The following COL22A1 variants were observed in gnomAD, a reference collection of about 807,000 sequenced individuals.
COL22A1 encodes the protein collagen type XXII alpha 1 chain.
In COL22A1, 221 loss-of-function variants were observed where a neutral mutation model predicts 248.9. The ratio of observed to expected loss-of-function variants is 0.89; its 90% confidence interval spans 0.80 to 0.99. COL22A1 has a LOEUF of 0.99. COL22A1 is among the 50% of genes least tolerant of loss of function. The pLI, the probability that COL22A1 is intolerant of heterozygous loss-of-function variation, is 0.00. For synonymous variants in COL22A1, 891 were observed against 793.4 expected (o/e 1.12, Z -2.07); for missense variants, 2,240 against 2,179.0 (o/e 1.03, Z -0.56).
At chr8:138,594,259 TGGC>T in intron 62 of COL22A1, 60 bp from the exon 63 acceptor site, 3 of 1,473,246 alleles carry the variant, frequency 2.0e-6, no homozygotes, top group Non-Finnish European at 1.8e-6. Flanking sequence ...TAGGACAGGA[TGGC>T]TACTCACTGA....
intron 7 of COL22A1, among the ~76,000 whole-genome samples, chr8:138,814,341 A>T (rs1818497427): frequency 1.3e-5 from 2 of 152,168 alleles, no homozygotes; most frequent in Admixed American, 1.3e-4. Context: ...TGGGAACTTA[A>T]TTCCCCTCCC....
intron 31 of COL22A1, among the ~76,000 whole-genome samples, chr8:138,702,742 G>C (rs1386844678): frequency 6.6e-6 from 1 of 152,056 alleles, no homozygotes; most frequent in Admixed American, 6.6e-5. Flanking sequence ...CAAATATTTT[G>C]TAGTTTCAAT....
intron 44 of COL22A1, among the ~76,000 whole-genome samples, chr8:138,656,543 G>A (rs6421014): frequency 0.8 from 121,474 of 152,080 alleles, 49,743 homozygotes; most frequent in Middle Eastern, 0.9. Flanking sequence ...TTCATGCTCA[G>A]ACCCACTGTG....
At chr8:138,636,537 C>CAAGGCAAGGG (rs1821189868) in intron 48 of COL22A1, among the ~76,000 whole-genome samples, 1 of 32,130 alleles carries the variant, frequency 3.1e-5, no homozygotes, top group Non-Finnish European at 7.4e-5. Flanking sequence ...AAAGGAAAGG[C>CAAGGCAAGGG]AGGGAGGCTT....
chr8:138,695,664 C>T (rs1827448000), intron 32 of COL22A1, among the ~76,000 whole-genome samples: 1 of 152,134 alleles, frequency 6.6e-6, no homozygotes, highest in Admixed American at 6.5e-5. Flanking sequence ...AGGCAGTACC[C>T]TGGGTGGGCC....
Position 138,720,774 on chromosome 8 carries a change from C to T in COL22A1, c.2320G>A (p.Gly774Arg). 13 of 1,613,986 alleles carry T rather than the reference C, an allele frequency of 8.1e-6. No individual in the cohort carries two copies. The highest frequency in any genetic ancestry group is 1.1e-5 in the Non-Finnish European group (13 of 1,179,824). The change falls in exon 27 of 65, where the codon GGG becomes AGG. Residue 774 changes from glycine to arginine, a missense_variant. Coordinates refer to ENST00000303045, the MANE Select transcript of COL22A1 (RefSeq NM_152888.3). ...GGTTTTCCAGGCAGACCATCTTCCC[C>T]TCTTTCTCCTGGTTCTCCCTGGAAG... ...PGTKGEPGER[G>R]EDGLPGKPGL...
At chr8:138,793,561 A>G (rs991324354) in intron 12 of COL22A1, among the ~76,000 whole-genome samples, 5 of 152,232 alleles carry the variant, frequency 3.3e-5, no homozygotes, top group African/African-American at 1.2e-4. Context: ...TAAAAATATC[A>G]ACTGCAGGAA....
intron 1 of COL22A1, among the ~76,000 whole-genome samples, chr8:138,905,549 G>A (rs780926736): frequency 1.3e-5 from 2 of 152,250 alleles, no homozygotes; most frequent in East Asian, 1.9e-4. Context: ...CAGTCCCTAA[G>A]CCAAGCTCCC....
At chr8:138,901,384 T>TTTTTTG (rs1814554826) in intron 1 of COL22A1, among the ~76,000 whole-genome samples, 1 of 148,890 alleles carries the variant, frequency 6.7e-6, no homozygotes, top group Non-Finnish European at 1.5e-5. Flanking sequence ...TTTTTTTTTT[T>TTTTTTG]GAGACAGTCT....
In COL22A1 at chr8:138,779,534, C is replaced by A. The variant is rs539321251; in HGVS notation, c.1679G>T (p.Gly560Val). The change falls in exon 14 of 65, where the codon GGG becomes GTG. Residue 560 changes from glycine (G) to valine (V), a missense_variant. Coordinates refer to ENST00000303045, the MANE Select transcript of COL22A1 (RefSeq NM_152888.3). ...RGEPGELGEP[G>V]LPGEVGMRGP... is the part of the protein sequence containing the mutation. Reference sequence around the variant, plus strand: ...CCGCATGCCGACCTCACCCGGCAGCCCCGGCTCTCCCAGCTCTCCTGGCTC... The same window carrying A: ...CCGCATGCCGACCTCACCCGGCAGCACCGGCTCTCCCAGCTCTCCTGGCTC... 2.0e-4 allele frequency: 328 copies of A among 1,613,710 alleles called. 3 individuals carry two copies. In the South Asian group the frequency reaches 2.9e-3, roughly 14 times the overall value.
At chr8:138,881,488 G>A (rs148282714) in intron 2 of COL22A1, among the ~76,000 whole-genome samples, 17 of 152,134 alleles carry the variant, frequency 1.1e-4, no homozygotes, top group African/African-American at 3.1e-4. Context: ...GATCGAGACC[G>A]TCTTGGCTAA....
At chr8:138,762,587 TGCAC>T in intron 16 of COL22A1, 121 bp from the exon 17 acceptor site, 1 of 603,112 alleles carries the variant, frequency 1.7e-6, no homozygotes, top group Non-Finnish European at 2.9e-6. Context: ...CAAACGCACG[TGCAC>T]ACACACACAC....
intron 34 of COL22A1, 147 bp from the exon 35 acceptor site, chr8:138,693,846 G>A (rs1827278130): frequency 3.8e-6 from 3 of 781,990 alleles, no homozygotes; most frequent in Admixed American, 4.5e-5. Context: ...AAAAGGTGAA[G>A]AAAATCACTA....
intron 41 of COL22A1, among the ~76,000 whole-genome samples, chr8:138,672,351 G>T (rs1213643834): frequency 1.3e-5 from 2 of 152,118 alleles, no homozygotes; most frequent in African/African-American, 4.8e-5. Flanking sequence ...CTTTATGTTG[G>T]CTGTGGTTGC....
At chr8:138,864,137 C>T (rs146318810) in intron 3 of COL22A1, among the ~76,000 whole-genome samples, 2,893 of 152,202 alleles carry the variant, frequency 0.019, 33 homozygotes, top group Middle Eastern at 0.037. Flanking sequence ...CCATGCTCAT[C>T]TTCTAGACCG....
At position 138,737,722 on chromosome 8, in the gene COL22A1, G is replaced by A. The variant is rs1831234616; in HGVS notation, c.2086-145C>T. The A allele has an allele frequency of 5.0e-6, 3 of 603,128 alleles. No individual in the cohort carries two copies. The African/African-American group carries it at 5.6e-5, about 11-fold the overall frequency. 37.4% of individuals were successfully genotyped at this position (603,128 alleles called of 1,614,324 possible). A position where few individuals can be genotyped will look rare whatever the true frequency, so the allele number is the denominator to read the frequency against. On this transcript the variant is annotated intron_variant, in intron 22 of 64. Coordinates refer to ENST00000303045, the MANE Select transcript of COL22A1 (RefSeq NM_152888.3). ...TTGTCCCTCAGGAGTGCCCCACAGA[G>A]GAACAATGTGGGATCAGAAAAAGGA...
intron 55 of COL22A1, among the ~76,000 whole-genome samples, chr8:138,614,134 C>T (rs1229188879): frequency 1.2e-4 from 19 of 152,238 alleles, no homozygotes; most frequent in Admixed American, 1.2e-3. Flanking sequence ...TTTGTGCATC[C>T]ATTTATTCAG....
intron 32 of COL22A1, 128 bp from the exon 33 acceptor site, chr8:138,695,007 C>T (rs1827392033): frequency 1.3e-6 from 1 of 781,674 alleles, no homozygotes; most frequent in Non-Finnish European, 2.1e-6. Flanking sequence ...GGTCCCCACC[C>T]CCAAAGGCTG....
chr8:138,834,243 C>G (rs1008468591), intron 4 of COL22A1, among the ~76,000 whole-genome samples: 1 of 151,860 alleles, frequency 6.6e-6, no homozygotes, highest in African/African-American at 2.4e-5. Flanking sequence ...TGTGCCCCCC[C>G]AGGGATAATA....
Sources: allele counts gnomAD v4.1 joint callset (sites outside exome capture counted in the v4.1 genomes callset), GRCh38; gene constraint gnomAD v4.1.1; transcripts MANE v1.5; gene names NCBI Gene and HGNC (gene_info 2026-07-23, HGNC 2026-07-21).